The following NOX4 variants were observed in gnomAD, a reference collection of about 807,000 sequenced individuals.
NOX4 encodes the protein kidney oxidase-1.
NOX4 carries 69 observed loss-of-function variants against 87.6 expected under a neutral mutation model. That is an observed-to-expected ratio of 0.79 (90% confidence interval 0.65 to 0.96). NOX4 has a LOEUF of 0.96. NOX4 is among the 40% of genes least tolerant of loss of function. The pLI is 0.00. For missense variants in NOX4, 680 were observed against 681.5 expected, an observed-to-expected ratio of 1.00 and a Z score of 0.02; for synonymous variants, 275 against 238.2, an observed-to-expected ratio of 1.15 and a Z score of -1.42.
At chr11:89,488,313 T>C (rs1946711517) in intron 2 of NOX4, among the ~76,000 whole-genome samples, 1 of 152,070 alleles carries the variant, frequency 6.6e-6, no homozygotes, top group South Asian at 2.1e-4. Context: ...GAGCCCTATG[T>C]GTCAGCAGTC....
Position 89,332,862 on chromosome 11 carries a change from C to T in NOX4, c.1616+2983G>A, listed in dbSNP as rs1334632040. 2.6e-5 allele frequency among the ~76,000 whole-genome samples: 4 copies of T among 151,936 alleles called. No individual in the cohort carries two copies. The South Asian group carries it at 8.3e-4, about 31-fold the overall frequency. On this transcript the variant is annotated intron_variant, in intron 17 of 17. Transcript: ENST00000263317. Reference sequence around the variant, plus strand: ...AATGAAGGCAGGTTGACTCCCAAAGCTCCTTCACTTTCCATGATCATATAA... The same window carrying T: ...AATGAAGGCAGGTTGACTCCCAAAGTTCCTTCACTTTCCATGATCATATAA...
chr11:89,569,988 C>A, the NOX4 span, among the ~76,000 whole-genome samples: 3 of 139,300 alleles, frequency 2.2e-5, no homozygotes, highest in African/African-American at 8.1e-5. Flanking sequence ...GGCGACAGAG[C>A]GAGACTCTGT....
the NOX4 span, among the ~76,000 whole-genome samples, chr11:89,506,441 G>GGATCATA: frequency 6.6e-6 from 1 of 151,486 alleles, no homozygotes; most frequent in Non-Finnish European, 1.5e-5. Context: ...AACTCAAAAT[G>GGATCATA]GATCATAGAC....
chr11:89,470,064 T>C lies in NOX4; in HGVS notation c.154-18169A>G, dbSNP rs186340789. On this transcript the variant is annotated intron_variant, in intron 2 of 17. Transcript: ENST00000263317. ...CTTTATCTCAGTCTCATTTTCCTCATCTGCAAAATGAAAATAATAATAATA... is the reference window on the plus strand; with the variant it reads ...CTTTATCTCAGTCTCATTTTCCTCACCTGCAAAATGAAAATAATAATAATA... 1.7e-3 allele frequency among the ~76,000 whole-genome samples: 220 copies of C among 132,886 alleles called. 1 individual carries two copies. Among genetic ancestry groups the C allele is most frequent in the Middle Eastern group, 7.3e-3 (2 of 274 alleles). The allele number at this position is 132,886 out of a possible 152,430, so 87.2% of individuals were successfully genotyped here.
the NOX4 span, among the ~76,000 whole-genome samples, chr11:89,517,389 G>A: frequency 6.6e-6 from 1 of 151,986 alleles, no homozygotes; most frequent in Non-Finnish European, 1.5e-5. Flanking sequence ...ACTTGACCAA[G>A]CAATCCTTCC....
At chr11:89,341,375 G>A (rs1362832634) in intron 14 of NOX4, among the ~76,000 whole-genome samples, 1 of 151,902 alleles carries the variant, frequency 6.6e-6, no homozygotes, top group African/African-American at 2.4e-5. Flanking sequence ...CACCCACCTC[G>A]GCCTCCCACA....
intron 4 of NOX4, among the ~76,000 whole-genome samples, chr11:89,445,537 CAG>C (rs1944663792): frequency 6.6e-6 from 1 of 152,038 alleles, no homozygotes; most frequent in African/African-American, 2.4e-5. Flanking sequence ...ATTAATGGAA[CAG>C]AATAGAGAGC....
At chr11:89,528,643 G>C in the NOX4 span, among the ~76,000 whole-genome samples, 4 of 152,270 alleles carry the variant, frequency 2.6e-5, no homozygotes, top group East Asian at 5.8e-4. Flanking sequence ...TTGCTGCCTT[G>C]TGAAGAAGGT....
At chr11:89,398,054 G>A (rs1941602844) in intron 11 of NOX4, among the ~76,000 whole-genome samples, 1 of 151,920 alleles carries the variant, frequency 6.6e-6, no homozygotes, top group South Asian at 2.1e-4. Context: ...GAACATTGAT[G>A]CAAATATCCT....
chr11:89,575,969 C>T, the NOX4 span, among the ~76,000 whole-genome samples: 2 of 152,148 alleles, frequency 1.3e-5, no homozygotes, highest in African/African-American at 4.8e-5. Context: ...TTATAACAGT[C>T]CATAAGTCTA....
At position 89,348,768 on chromosome 11, in the gene NOX4, T is replaced by C. The variant is rs1281350516; in HGVS notation, c.1217+6194A>G. Among the ~76,000 whole-genome samples the C allele has an allele frequency of 2.6e-5, 4 of 152,320 alleles. No individual in the cohort carries two copies. The East Asian group carries it at 7.7e-4, about 29-fold the overall frequency. On this transcript the variant is annotated intron_variant, in intron 13 of 17. Transcript: ENST00000263317. Reference sequence around the variant, plus strand: ...TAATCCCTCAATGACCCACCACTTCTAAGTTAAGTATAATTTGAGGGGCCA... The same window carrying C: ...TAATCCCTCAATGACCCACCACTTCCAAGTTAAGTATAATTTGAGGGGCCA...
chr11:89,583,086 A>T, the NOX4 span, among the ~76,000 whole-genome samples: 2,985 of 152,306 alleles, frequency 0.02, 45 homozygotes, highest in Non-Finnish European at 0.032. Context: ...CACTTCTTTT[A>T]TTCTTTTATA....
chr11:89,424,323 A>G (rs1943254050), intron 7 of NOX4, among the ~76,000 whole-genome samples: 1 of 150,726 alleles, frequency 6.6e-6, no homozygotes, highest in Non-Finnish European at 1.5e-5. Flanking sequence ...TGGTGTTAAC[A>G]CCAAATTTTT....
At chr11:89,391,012 G>A (rs1370911126) in intron 11 of NOX4, among the ~76,000 whole-genome samples, 1 of 152,132 alleles carries the variant, frequency 6.6e-6, no homozygotes, top group Non-Finnish European at 1.5e-5. Flanking sequence ...ATAAAGAGAT[G>A]GGGGAAGGAG....
intron 2 of NOX4, among the ~76,000 whole-genome samples, chr11:89,489,706 C>T (rs1946772263): frequency 7.3e-6 from 1 of 137,060 alleles, no homozygotes; most frequent in Non-Finnish European, 1.5e-5. Flanking sequence ...CCAGCCTGGG[C>T]ATCGCAGCAA....
chr11:89,480,593 T>C (rs906860771), intron 2 of NOX4, among the ~76,000 whole-genome samples: 40 of 152,076 alleles, frequency 2.6e-4, no homozygotes, highest in Admixed American at 1.0e-3. Context: ...GCTCCTATTA[T>C]GGAATAGACT....
At chr11:89,343,618 G>A (rs1163227849) in intron 13 of NOX4, among the ~76,000 whole-genome samples, 1 of 152,134 alleles carries the variant, frequency 6.6e-6, no homozygotes, top group Non-Finnish European at 1.5e-5. Context: ...TATTTAATCT[G>A]ATTAATATGT....
At chr11:89,461,168 G>T (rs977470035) in intron 2 of NOX4, among the ~76,000 whole-genome samples, 8 of 152,008 alleles carry the variant, frequency 5.3e-5, no homozygotes, top group Non-Finnish European at 1.0e-4. Flanking sequence ...TGGGGTGGGG[G>T]GAGCCGGGAG....
At chr11:89,510,432 C>T in the NOX4 span, among the ~76,000 whole-genome samples, 6 of 151,964 alleles carry the variant, frequency 3.9e-5, no homozygotes, top group African/African-American at 7.2e-5. Flanking sequence ...GGCTTAACTA[C>T]GAATATGATA....
Sources: allele counts gnomAD v4.1 joint callset (sites outside exome capture counted in the v4.1 genomes callset), GRCh38; gene constraint gnomAD v4.1.1; transcripts MANE v1.5; gene names NCBI Gene and HGNC (gene_info 2026-07-23, HGNC 2026-07-21).